Variants in LCLAT1 observed in about 807,000 individuals in gnomAD.
LCLAT1 encodes 1-AGP acyltransferase 8.
LCLAT1 carries 11 observed loss-of-function variants against 30.7 expected under a neutral mutation model. The ratio of observed to expected loss-of-function variants is 0.36; its 90% CI spans 0.23 to 0.59. The LOEUF is 0.59. LCLAT1 is among the 20% of genes least tolerant of loss of function. The pLI is 0.77. For synonymous variants in LCLAT1, 155 were observed against 151.3 expected, an observed-to-expected ratio of 1.02 and a Z score of -0.18; for missense variants, 402 against 458.6, an observed-to-expected ratio of 0.88 and a Z score of 1.13.
intron 2 of LCLAT1, among the ~76,000 whole-genome samples, chr2:30,532,631 T>C: frequency 6.6e-6 from 1 of 152,148 alleles, no homozygotes. Flanking sequence ...ATTTATTCTT[T>C]ACATAGTGTC....
chr2:30,631,547 G>T (rs974619463), intron 5 of LCLAT1, among the ~76,000 whole-genome samples: 9 of 152,188 alleles, frequency 5.9e-5, no homozygotes, highest in Non-Finnish European at 8.8e-5. Flanking sequence ...TTTATATGAT[G>T]CCCTTGAAGT....
intron 4 of LCLAT1, among the ~76,000 whole-genome samples, chr2:30,567,657 A>T (rs1665554554): frequency 6.6e-6 from 1 of 152,212 alleles, no homozygotes; most frequent in Non-Finnish European, 1.5e-5. Context: ...TCAGAACAAG[A>T]CACACAGACC....
At chr2:30,527,034 A>G (rs1391186526) in intron 2 of LCLAT1, among the ~76,000 whole-genome samples, 1 of 152,172 alleles carries the variant, frequency 6.6e-6, no homozygotes, top group Non-Finnish European at 1.5e-5. Context: ...TCTATTTACA[A>G]GGTGGGTATT....
chr2:30,505,582 A>C (rs979647231), intron 1 of LCLAT1, among the ~76,000 whole-genome samples: 1 of 152,084 alleles, frequency 6.6e-6, no homozygotes, highest in African/African-American at 2.4e-5. Context: ...ATAAATCACA[A>C]ATTTCAGTTT....
At chr2:30,464,843 A>G (rs1258484179) in intron 1 of LCLAT1, among the ~76,000 whole-genome samples, 1 of 152,106 alleles carries the variant, frequency 6.6e-6, no homozygotes, top group African/African-American at 2.4e-5. Flanking sequence ...TTGGCCTATT[A>G]GGGTTTTTTT....
intron 1 of LCLAT1, among the ~76,000 whole-genome samples, chr2:30,496,271 G>C (rs958663200): frequency 6.6e-6 from 1 of 152,166 alleles, no homozygotes; most frequent in Admixed American, 6.6e-5. Context: ...AGATTTGGGT[G>C]GGGACACAGA....
chr2:30,634,508 C>G (rs1489441508), intron 5 of LCLAT1, among the ~76,000 whole-genome samples: 1 of 152,146 alleles, frequency 6.6e-6, no homozygotes, highest in Non-Finnish European at 1.5e-5. Flanking sequence ...CGTCTGTAGT[C>G]CCAGCTACTC....
intron 5 of LCLAT1, among the ~76,000 whole-genome samples, chr2:30,614,432 T>G (rs1341811430): frequency 6.6e-6 from 1 of 152,066 alleles, no homozygotes. Context: ...CTCTTGCTTT[T>G]CCCCACATGG....
chr2:30,599,215 C>G (rs1168236558), intron 5 of LCLAT1, among the ~76,000 whole-genome samples: 1 of 152,174 alleles, frequency 6.6e-6, no homozygotes, highest in African/African-American at 2.4e-5. Flanking sequence ...CTCCTGACCT[C>G]AAGTGATCCG....
rs780344134 is a variant in LCLAT1 at position 30,525,654 on chromosome 2, A to C, written c.64A>C (p.Ile22Leu). 2 of 1,614,052 alleles carry C rather than the reference A, an allele frequency of 1.2e-6. No individual in the cohort carries two copies. Among genetic ancestry groups the C allele is most frequent in the Non-Finnish European group, 8.5e-7 (1 of 1,179,930 alleles). ...TLFWGSFFGS[I>L]FMLSPFLPLM... ...GTTTTGGGGAAGCTTTTTTGGAAGC[A>C]TTTTCATGCTGAGTCCCTTTTTACC... Residue 22 changes from isoleucine (I) to leucine (L), a missense_variant, in exon 2 of 6, where the codon ATT becomes CTT. Transcript: ENST00000379509.
At chr2:30,450,389 C>T (rs1183647766) in intron 1 of LCLAT1, among the ~76,000 whole-genome samples, 3 of 151,428 alleles carry the variant, frequency 2.0e-5, no homozygotes, top group Non-Finnish European at 4.4e-5. Flanking sequence ...AGGTTAGAGC[C>T]AGGTTGTGAA....
intron 1 of LCLAT1, among the ~76,000 whole-genome samples, chr2:30,522,599 A>T (rs1054488404): frequency 6.6e-6 from 1 of 152,238 alleles, no homozygotes; most frequent in Non-Finnish European, 1.5e-5. Context: ...GATGACTAAC[A>T]TAGTGCCTGG....
At chr2:30,487,957 A>G (rs1683642890) in intron 1 of LCLAT1, among the ~76,000 whole-genome samples, 1 of 152,214 alleles carries the variant, frequency 6.6e-6, no homozygotes, top group African/African-American at 2.4e-5. Context: ...GCAGTGTTCT[A>G]AAATTGTGGT....
At chr2:30,533,429 A>T (rs1387532011) in intron 3 of LCLAT1, 115 bp downstream of exon 3, 2 of 812,546 alleles carry the variant, frequency 2.5e-6, no homozygotes, top group African/African-American at 3.4e-5. Context: ...TGGGCCAAAA[A>T]CAATCTCTGG....
intron 1 of LCLAT1, among the ~76,000 whole-genome samples, chr2:30,523,460 C>T (rs1685569645): frequency 6.6e-6 from 1 of 152,098 alleles, no homozygotes; most frequent in South Asian, 2.1e-4. Context: ...ACTCCGTTAC[C>T]CCACTTCTTT....
At chr2:30,618,577 G>A (rs888202692) in intron 5 of LCLAT1, among the ~76,000 whole-genome samples, 25 of 152,152 alleles carry the variant, frequency 1.6e-4, no homozygotes, top group African/African-American at 5.1e-4. Context: ...AAGGGAGGGT[G>A]GGAGGAGGGA....
intron 2 of LCLAT1, among the ~76,000 whole-genome samples, chr2:30,527,862 C>G (rs1484841838): frequency 6.6e-6 from 1 of 152,082 alleles, no homozygotes. Flanking sequence ...TAATTTTAGG[C>G]TAAACTGGTG....
At chr2:30,589,428 A>C (rs757378797) in intron 5 of LCLAT1, among the ~76,000 whole-genome samples, 4 of 152,170 alleles carry the variant, frequency 2.6e-5, no homozygotes, top group South Asian at 2.1e-4. Flanking sequence ...TGTTTATCCT[A>C]AATCAGGAGA....
chr2:30,451,257 T>G (rs2148252872), intron 1 of LCLAT1, among the ~76,000 whole-genome samples: 1 of 152,272 alleles, frequency 6.6e-6, no homozygotes, highest in Non-Finnish European at 1.5e-5. Context: ...CTCTTACATA[T>G]TGTTGGTGGG....
Sources: gnomAD v4.1 joint callset for allele counts (sites outside exome capture counted in the v4.1 genomes callset) on GRCh38, gnomAD v4.1.1 for gene constraint, MANE v1.5 for transcripts, NCBI Gene and HGNC (gene_info 2026-07-23, HGNC 2026-07-21) for gene names.